NAALADL2: variants seen among roughly 807,000 people sequenced by gnomAD.
NAALADL2 encodes inactive N-acetylated-alpha-linked acidic dipeptidase-like protein 2.
NAALADL2 carries 76 observed loss-of-function variants against 87.2 expected under a neutral mutation model. That is an observed-to-expected ratio of 0.87 (90% CI 0.72 to 1.05). NAALADL2 has a LOEUF of 1.05. NAALADL2 is among the 50% of genes least tolerant of loss of function. The probability of loss-of-function intolerance (pLI) is 0.00; values close to 1 mark genes in which losing one functional copy is unlikely to be tolerated. For synonymous variants in NAALADL2, 354 were observed against 331.0 expected, an observed-to-expected ratio of 1.07 and a Z score of -0.75; for missense variants, 1,089 against 945.8, an observed-to-expected ratio of 1.15 and a Z score of -1.99.
chr3:174,963,309 C>T (rs775420379), intron 1 of NAALADL2, among the ~76,000 whole-genome samples: 3 of 151,852 alleles, frequency 2.0e-5, no homozygotes, highest in Non-Finnish European at 2.9e-5. Flanking sequence ...ACTATAAATA[C>T]TTTAGTAACA....
At chr3:174,847,037 T>C (rs1724700608) in intron 3 of NAALADL2, among the ~76,000 whole-genome samples, 1 of 152,050 alleles carries the variant, frequency 6.6e-6, no homozygotes, top group Non-Finnish European at 1.5e-5. Context: ...CTCTGGAAAA[T>C]GTGTTGGTGG....
At chr3:175,058,709 A>C (rs983900283) in intron 1 of NAALADL2, among the ~76,000 whole-genome samples, 19 of 152,178 alleles carry the variant, frequency 1.2e-4, no homozygotes, top group Admixed American at 6.6e-5. Context: ...TTTTTAGAAA[A>C]GAGGTGGAAT....
chr3:175,502,455 G>A (rs1157758040), intron 9 of NAALADL2, among the ~76,000 whole-genome samples: 1 of 152,084 alleles, frequency 6.6e-6, no homozygotes, highest in Non-Finnish European at 1.5e-5. Context: ...CTTCGATCTG[G>A]GACGTCAGTC....
intron 13 of NAALADL2, among the ~76,000 whole-genome samples, chr3:175,796,144 A>C (rs956766313): frequency 2.0e-5 from 3 of 150,022 alleles, no homozygotes; most frequent in African/African-American, 7.4e-5. Flanking sequence ...AGAGAGAGAG[A>C]AGCAGCATGG....
rs139504837 is a variant in NAALADL2, at chr3:174,783,929, C to A, written c.-9+46183C>A. ...GAGAACCATCATGATAGAGCTTATT[C>A]CTCTTCTGAGAAGAACAGTTTGTCT... On this transcript the variant is annotated intron_variant, in intron 3 of 3. Transcript: ENST00000434257. Among the ~76,000 whole-genome samples the A allele has an allele frequency of 8.3e-3, 1,265 of 152,184 alleles. 3 individuals carry two copies. The highest frequency in any genetic ancestry group is 0.018 in the African/African-American group (741 of 41,524).
At chr3:175,538,273 C>A (rs1424165687) in intron 9 of NAALADL2, among the ~76,000 whole-genome samples, 1 of 151,462 alleles carries the variant, frequency 6.6e-6, no homozygotes, top group African/African-American at 2.4e-5. Flanking sequence ...TTAATGTATA[C>A]CTTTTAATGT....
chr3:174,733,925 T>C (rs894131667), intron 2 of NAALADL2, among the ~76,000 whole-genome samples: 2 of 152,116 alleles, frequency 1.3e-5, no homozygotes, highest in African/African-American at 4.8e-5. Flanking sequence ...TTTGATACTT[T>C]TTGAGAGGCC....
chr3:174,653,430 G>T (rs1338916999), intron 2 of NAALADL2, among the ~76,000 whole-genome samples: 2 of 152,096 alleles, frequency 1.3e-5, no homozygotes, highest in African/African-American at 2.4e-5. Context: ...AATCAGTAAA[G>T]CAGGCACTGG....
chr3:174,944,808 C>T (rs1284853901), intron 1 of NAALADL2, among the ~76,000 whole-genome samples: 1 of 152,104 alleles, frequency 6.6e-6, no homozygotes, highest in Non-Finnish European at 1.5e-5. Context: ...AGCATGGGTT[C>T]CCAGGGGTCA....
intron 1 of NAALADL2, among the ~76,000 whole-genome samples, chr3:175,011,064 C>T (rs2108803552): frequency 6.6e-6 from 1 of 152,124 alleles, no homozygotes; most frequent in Non-Finnish European, 1.5e-5. Flanking sequence ...TTGGGATTTG[C>T]ACTGTTTTAT....
chr3:174,730,628 T>C (rs1176382772), intron 2 of NAALADL2, among the ~76,000 whole-genome samples: 1 of 152,114 alleles, frequency 6.6e-6, no homozygotes, highest in Non-Finnish European at 1.5e-5. Flanking sequence ...TAGGAAATAA[T>C]GTGAAGTTTC....
intron 4 of NAALADL2, among the ~76,000 whole-genome samples, chr3:175,286,539 T>C (rs1755000657): frequency 6.6e-6 from 1 of 152,174 alleles, no homozygotes; most frequent in Admixed American, 6.5e-5. Context: ...TCCAACAACG[T>C]TTACTAGATT....
At chr3:174,931,010 A>G (rs1379262140) in intron 1 of NAALADL2, among the ~76,000 whole-genome samples, 1 of 152,074 alleles carries the variant, frequency 6.6e-6, no homozygotes, top group Non-Finnish European at 1.5e-5. Context: ...AATACCAGAC[A>G]TACTATCAGG....
chr3:174,936,458 C>A (rs926295989), intron 1 of NAALADL2, among the ~76,000 whole-genome samples: 1 of 151,782 alleles, frequency 6.6e-6, no homozygotes, highest in African/African-American at 2.4e-5. Context: ...ATTTTTGAAG[C>A]AGATAAAAAG....
At chr3:175,444,389 C>T (rs1720335543) in intron 5 of NAALADL2, among the ~76,000 whole-genome samples, 1 of 152,148 alleles carries the variant, frequency 6.6e-6, no homozygotes, top group Admixed American at 6.6e-5. Context: ...ATCAATTTGT[C>T]CTCAAGTGCA....
intron 2 of NAALADL2, among the ~76,000 whole-genome samples, chr3:174,673,601 A>T (rs868248757): frequency 6.9e-6 from 1 of 144,802 alleles, no homozygotes; most frequent in East Asian, 2.2e-4. Context: ...AGCGGATCTC[A>T]TGGAGGTAGA....
intron 6 of NAALADL2, among the ~76,000 whole-genome samples, chr3:175,460,516 C>T (rs1413438805): frequency 6.6e-6 from 1 of 152,064 alleles, no homozygotes; most frequent in Non-Finnish European, 1.5e-5. Context: ...TTTCTTTGAC[C>T]TCTGTGCTTC....
chr3:174,519,021 T>G (rs1438735515), intron 1 of NAALADL2, among the ~76,000 whole-genome samples: 1 of 152,218 alleles, frequency 6.6e-6, no homozygotes, highest in Non-Finnish European at 1.5e-5. Flanking sequence ...TAACAAGGTA[T>G]CTCTCTGTAT....
chr3:174,918,718 G>T (rs1163110862), intron 1 of NAALADL2, among the ~76,000 whole-genome samples: 4 of 152,130 alleles, frequency 2.6e-5, no homozygotes, highest in Non-Finnish European at 5.9e-5. Flanking sequence ...GCACACTAAT[G>T]ATTCTGTTTG....
Sources: allele counts gnomAD v4.1 joint callset (sites outside exome capture counted in the v4.1 genomes callset), GRCh38; gene constraint gnomAD v4.1.1; transcripts MANE v1.5; gene names NCBI Gene and HGNC (gene_info 2026-07-23, HGNC 2026-07-21).